Variants in STXBP5 observed in about 807,000 individuals in gnomAD.
STXBP5 encodes the protein syntaxin binding protein 5, also known as syntaxin-binding protein 5.
STXBP5 carries 50 observed loss-of-function variants against 152.4 expected under a neutral mutation model. That is an observed-to-expected ratio of 0.33 (90% CI 0.26 to 0.42). The LOEUF (loss-of-function observed/expected upper bound fraction) is 0.42, where lower values mean the gene tolerates loss of function less well. STXBP5 is among the 10% of genes least tolerant of loss of function. The probability of loss-of-function intolerance (pLI) is 1.00; values close to 1 mark genes in which losing one functional copy is unlikely to be tolerated. For synonymous variants in STXBP5, 492 were observed against 494.7 expected (o/e 0.99, Z 0.07); for missense variants, 1,167 against 1,388.6 (o/e 0.84, Z 2.54).
rs200682221 is a variant in STXBP5, at chr6:147,334,231, G to T, written c.2146+9G>T. 2.1e-4 allele frequency: 339 copies of T among 1,598,548 alleles called. No homozygotes were observed. The highest frequency in any genetic ancestry group is 4.7e-4 in the East Asian group (21 of 44,350). ...CAAATCTCCAACCTCTGGTAATTTG[G>T]TTTTTTTTTATTTCATTAATAATTA... On this transcript the variant is annotated intron_variant, in intron 19 of 27. Transcript: ENST00000321680.
chr6:147,239,579 T>A (rs757769381), intron 4 of STXBP5, among the ~76,000 whole-genome samples: 1 of 152,228 alleles, frequency 6.6e-6, no homozygotes, highest in African/African-American at 2.4e-5. Context: ...ATTCTTCCTG[T>A]AACTTGTATT....
At chr6:147,255,291 C>T (rs781321402) in intron 4 of STXBP5, among the ~76,000 whole-genome samples, 19 of 152,204 alleles carry the variant, frequency 1.2e-4, no homozygotes, top group Non-Finnish European at 8.8e-5. Context: ...GAACATGATA[C>T]GCTGAGGCGT....
chr6:147,309,426 G>T (rs1187282668), intron 9 of STXBP5, among the ~76,000 whole-genome samples: 1 of 152,032 alleles, frequency 6.6e-6, no homozygotes, highest in African/African-American at 2.4e-5. Flanking sequence ...AATAGTTTTT[G>T]AAAATGAGTC....
At chr6:147,261,487 G>A (rs1779635563) in intron 5 of STXBP5, among the ~76,000 whole-genome samples, 1 of 151,984 alleles carries the variant, frequency 6.6e-6, no homozygotes, top group East Asian at 1.9e-4. Flanking sequence ...AGCAAATAGT[G>A]TTGTATTGTT....
chr6:147,249,437 A>C (rs1377147732), intron 4 of STXBP5, among the ~76,000 whole-genome samples: 1 of 152,198 alleles, frequency 6.6e-6, no homozygotes, highest in Non-Finnish European at 1.5e-5. Flanking sequence ...CTCAGTACTT[A>C]AGTCTCTTGC....
intron 13 of STXBP5, 56 bp from the exon 14 acceptor site, chr6:147,314,540 T>A (rs1446216459): frequency 6.4e-7 from 1 of 1,568,028 alleles, no homozygotes; most frequent in Non-Finnish European, 8.7e-7. Flanking sequence ...AGTACCCATT[T>A]AAAGAAGGAA....
In STXBP5 at chr6:147,327,223, A is replaced by T. The variant is rs2128386740; in HGVS notation, c.2027A>T (p.Asp676Val). 6.2e-7 allele frequency: 1 copy of T among 1,614,062 alleles called. No individual in the cohort carries two copies. The highest frequency in any genetic ancestry group is 2.2e-5 in the East Asian group (1 of 44,854). Residue 676 changes from aspartate (D) to valine (V), a missense_variant, in exon 18 of 28, where the codon GAT (aspartate) becomes GTT (valine). By Grantham distance (152) the Asp-to-Val change is radical (BLOSUM62 -3). Around this residue, in one of 3 missense-constraint regions of STXBP5, gnomAD observed 833 missense variants for 986.3 expected, o/e 0.84. Transcript: ENST00000321680. ...LGTIELYGSN[D>V]PYRREPRSPR... is the part of the protein sequence containing the mutation. Reference sequence around the variant, plus strand: ...ACTATTGAATTATATGGCTCTAATGATCCTTATCGGAGAGAACCCCGATCT... The same window carrying T: ...ACTATTGAATTATATGGCTCTAATGTTCCTTATCGGAGAGAACCCCGATCT...
intron 21 of STXBP5, among the ~76,000 whole-genome samples, chr6:147,343,916 G>T (rs1325019436): frequency 6.6e-6 from 1 of 152,118 alleles, no homozygotes; most frequent in Non-Finnish European, 1.5e-5. Flanking sequence ...GAAAGGAGAT[G>T]CTCAGTTTGA....
intron 4 of STXBP5, among the ~76,000 whole-genome samples, chr6:147,259,299 GA>G (rs1394711493): frequency 7.2e-5 from 11 of 151,840 alleles, no homozygotes; most frequent in Admixed American, 3.9e-4. Context: ...GTTGACTGAG[GA>G]AAAAAAATCT....
chr6:147,291,099 C>A lies in STXBP5; in HGVS notation c.844C>A (p.Gln282Lys). ...TGCAGGAAAATATATTTTAGGAAAA[C>A]AGTTAAAGGATGGGAAGAAGCCAGA... ...PVQTITPHGK[Q>K]LKDGKKPEPC... The change falls in exon 9 of 28, where the codon CAG (glutamine) becomes AAG (lysine). Residue 282 changes from glutamine (Q) to lysine (K), a missense_variant. By Grantham distance (53) the Gln-to-Lys change is moderately conservative (BLOSUM62 1). Coordinates refer to ENST00000321680, the MANE Select transcript of STXBP5 (RefSeq NM_001127715.4). 1 of 1,606,246 alleles carries A rather than the reference C, an allele frequency of 6.2e-7. No individual in the cohort carries two copies. Among genetic ancestry groups the A allele is most frequent in the Non-Finnish European group, 8.5e-7 (1 of 1,175,970 alleles).
intron 2 of STXBP5, among the ~76,000 whole-genome samples, chr6:147,210,272 G>A (rs1357107107): frequency 2.0e-5 from 3 of 152,140 alleles, no homozygotes. Flanking sequence ...CAAAGAAGTG[G>A]CAGAGAAATG....
intron 18 of STXBP5, among the ~76,000 whole-genome samples, chr6:147,327,817 TATA>T (rs1783343797): frequency 6.6e-6 from 1 of 152,298 alleles, no homozygotes; most frequent in African/African-American, 2.4e-5. Flanking sequence ...TCAGCTAAAA[TATA>T]ATGACAGGAA....
At chr6:147,337,810 T>C (rs902891332) in intron 19 of STXBP5, among the ~76,000 whole-genome samples, 24 of 152,198 alleles carry the variant, frequency 1.6e-4, no homozygotes, top group African/African-American at 5.8e-4. Context: ...TGATATTTTT[T>C]GAAGTGGGAT....
intron 8 of STXBP5, among the ~76,000 whole-genome samples, chr6:147,278,677 G>A (rs545395593): frequency 6.6e-6 from 1 of 152,090 alleles, no homozygotes; most frequent in Non-Finnish European, 1.5e-5. Context: ...TCACTAGGAA[G>A]ACTCACAGGA....
chr6:147,386,318 G>A lies in STXBP5; in HGVS notation c.*1563G>A, dbSNP rs1226530664. ...AGCACAAATTGATAGTAAACAGGAT[G>A]GTTGTTTTTCTATTCTATATGATCA... On this transcript the variant is annotated 3_prime_UTR_variant, in exon 28 of 28. Coordinates refer to ENST00000321680, the MANE Select transcript of STXBP5 (RefSeq NM_001127715.4). 1 of 151,672 alleles carries A rather than the reference G, an allele frequency of 6.6e-6. No individual in the cohort carries two copies. The highest frequency in any genetic ancestry group is 1.5e-5 in the Non-Finnish European group (1 of 67,804). The allele number at this position is 151,672 out of a possible 1,614,324, so 9.4% of individuals were successfully genotyped here. A position where few individuals can be genotyped will look rare whatever the true frequency, so the allele number is the denominator to read the frequency against.
At chr6:147,354,141 A>C (rs1428502874) in intron 22 of STXBP5, among the ~76,000 whole-genome samples, 1 of 152,154 alleles carries the variant, frequency 6.6e-6, no homozygotes, top group African/African-American at 2.4e-5. Flanking sequence ...TCTCCCTTGC[A>C]TTAGCCCACA....
intron 22 of STXBP5, among the ~76,000 whole-genome samples, chr6:147,354,915 T>G (rs990617708): frequency 6.6e-6 from 1 of 152,178 alleles, no homozygotes; most frequent in African/African-American, 2.4e-5. Flanking sequence ...GTAGAGATTC[T>G]TGGCTGCTAA....
intron 4 of STXBP5, 93 bp downstream of exon 4, chr6:147,239,363 A>T: frequency 9.6e-7 from 1 of 1,041,106 alleles, no homozygotes; most frequent in South Asian, 1.6e-5. Context: ...GATGGACCTT[A>T]TGCACAATCT....
At chr6:147,271,160 A>G (rs1303962033) in intron 7 of STXBP5, among the ~76,000 whole-genome samples, 1 of 152,194 alleles carries the variant, frequency 6.6e-6, no homozygotes, top group Non-Finnish European at 1.5e-5. Flanking sequence ...CCCTTAAAAG[A>G]CAGCAATTAT....
Sources: gnomAD v4.1 joint callset for allele counts (sites outside exome capture counted in the v4.1 genomes callset) on GRCh38, gnomAD v4.1.1 for gene constraint, gnomAD v4.1.1 regional missense constraint, MANE v1.5 for transcripts, NCBI Gene and HGNC (gene_info 2026-07-23, HGNC 2026-07-21) for gene names.